Variants in NRP2 observed in about 807,000 individuals in gnomAD.
NRP2 encodes neuropilin 2.
NRP2 carries 52 observed loss-of-function variants against 110.4 expected under a neutral mutation model. The ratio of observed to expected loss-of-function variants is 0.47; its 90% confidence interval spans 0.38 to 0.59. The LOEUF is 0.59. Ranked by LOEUF, NRP2 falls within the 20% of genes least tolerant of loss-of-function variation. The pLI, the probability that NRP2 is intolerant of heterozygous loss-of-function variation, is 0.00. For missense variants in NRP2, 1,049 were observed against 1,203.0 expected, an observed-to-expected ratio of 0.87 and a Z score of 1.89; for synonymous variants, 508 against 468.9, an observed-to-expected ratio of 1.08 and a Z score of -1.08.
At chr2:205,774,254 T>C (rs2058065323) in intron 15 of NRP2, among the ~76,000 whole-genome samples, 1 of 152,194 alleles carries the variant, frequency 6.6e-6, no homozygotes, top group African/African-American at 2.4e-5. Context: ...GCACCTTGCT[T>C]TCTCTTCCTC....
At chr2:205,704,186 C>G (rs1484154439) in intron 2 of NRP2, among the ~76,000 whole-genome samples, 1 of 152,216 alleles carries the variant, frequency 6.6e-6, no homozygotes, top group Non-Finnish European at 1.5e-5. Flanking sequence ...TTTCCTGCTA[C>G]ACAAGACTTT....
Position 205,764,000 on chromosome 2 carries a change from C to A in NRP2, c.2307+64C>A. On this transcript the variant is annotated intron_variant, in intron 13 of 16. Transcript: ENST00000357785. This position sits in a 1 kb window ranked among gnomAD's most constrained non-coding sequence, Gnocchi z 4.0. ...CAATATTTCAAGGGCCGAGCCCATTCATCGTTAGGGAACGTGGTTAAGCGC... is the reference window on the plus strand; with the variant it reads ...CAATATTTCAAGGGCCGAGCCCATTAATCGTTAGGGAACGTGGTTAAGCGC... 6.3e-7 allele frequency: 1 copy of A among 1,595,940 alleles called. No homozygotes were observed. The highest frequency in any genetic ancestry group is 1.1e-5 in the South Asian group (1 of 89,866).
At chr2:205,702,406 A>T (rs1023907297) in intron 2 of NRP2, among the ~76,000 whole-genome samples, 3 of 152,216 alleles carry the variant, frequency 2.0e-5, no homozygotes, top group African/African-American at 7.2e-5. Flanking sequence ...CTGGGGAGTG[A>T]TCCCCAAGTG....
At chr2:205,755,396 C>A (rs1046893511) in intron 12 of NRP2, among the ~76,000 whole-genome samples, 1 of 152,092 alleles carries the variant, frequency 6.6e-6, no homozygotes, top group African/African-American at 2.4e-5. Flanking sequence ...AGAGGAATCC[C>A]GAAGTTTGGG....
intron 2 of NRP2, among the ~76,000 whole-genome samples, chr2:205,715,746 C>T (rs2056882318): frequency 6.6e-6 from 1 of 152,122 alleles, no homozygotes. Flanking sequence ...TCTATCTTCT[C>T]CCCAGCCTTG....
chr2:205,718,246 C>A (rs2056940604), intron 3 of NRP2, among the ~76,000 whole-genome samples: 1 of 152,218 alleles, frequency 6.6e-6, no homozygotes, highest in East Asian at 1.9e-4. Context: ...ATGCTACATT[C>A]TCCAGAAAGC....
chr2:205,788,710 TG>T (rs1354098252), intron 15 of NRP2, among the ~76,000 whole-genome samples: 1 of 152,214 alleles, frequency 6.6e-6, no homozygotes, highest in African/African-American at 2.4e-5. Context: ...ATCCCTGCCC[TG>T]GACTCCAGCA....
At chr2:205,728,187 T>C in intron 7 of NRP2, 141 bp downstream of exon 7, 1 of 1,011,188 alleles carries the variant, frequency 9.9e-7, no homozygotes, top group South Asian at 1.4e-5. Flanking sequence ...AGGGTCGTGC[T>C]GGCCTTGAAA....
chr2:205,698,095 C>T (rs2056474149), intron 2 of NRP2, among the ~76,000 whole-genome samples: 1 of 152,042 alleles, frequency 6.6e-6, no homozygotes, highest in African/African-American at 2.4e-5. Flanking sequence ...GTATAAACCC[C>T]ACCCACTTCC....
intron 3 of NRP2, among the ~76,000 whole-genome samples, chr2:205,719,477 A>C (rs879567397): frequency 2.4e-4 from 36 of 152,150 alleles, no homozygotes; most frequent in Non-Finnish European, 4.7e-4. Flanking sequence ...CAGAAACAAA[A>C]AAAAAAAAAA....
chr2:205,764,129 C>G (rs1031560065), intron 13 of NRP2, 193 bp downstream of exon 13: 28 of 677,966 alleles, frequency 4.1e-5, no homozygotes, highest in Non-Finnish European at 6.8e-5. Context: ...GTTCTTTGTT[C>G]CTCCTGTTGC....
chr2:205,781,981 T>A (rs1021482035), intron 15 of NRP2, among the ~76,000 whole-genome samples: 1 of 152,006 alleles, frequency 6.6e-6, no homozygotes, highest in Non-Finnish European at 1.5e-5. Flanking sequence ...CCAGAGTATG[T>A]TTGCCCTGAC....
chr2:205,736,784 C>T (rs1421480504), intron 7 of NRP2, among the ~76,000 whole-genome samples: 6 of 152,148 alleles, frequency 3.9e-5, no homozygotes, highest in East Asian at 3.8e-4. Context: ...AATTTCCTGG[C>T]GTCATTTCCC....
intron 1 of NRP2, among the ~76,000 whole-genome samples, chr2:205,695,535 A>G (rs2105882973): frequency 6.6e-6 from 1 of 152,198 alleles, no homozygotes; most frequent in Admixed American, 6.5e-5. Context: ...AGTGGAGAGT[A>G]TGTGGAAACC....
At chr2:205,759,121 G>C (rs1432025976) in intron 12 of NRP2, among the ~76,000 whole-genome samples, 2 of 152,194 alleles carry the variant, frequency 1.3e-5, no homozygotes, top group Non-Finnish European at 2.9e-5. Context: ...ATAATAGCTT[G>C]GAAGAAGGGT....
chr2:205,760,679 CTG>C (rs2057806633), intron 12 of NRP2: 3 of 152,338 alleles, frequency 2.0e-5, no homozygotes, highest in South Asian at 2.1e-4. Context: ...AAGGGGCAGA[CTG>C]TGAAACCTTT....
chr2:205,737,483 C>T (rs1198679245), intron 7 of NRP2, among the ~76,000 whole-genome samples: 3 of 152,196 alleles, frequency 2.0e-5, no homozygotes, highest in African/African-American at 4.8e-5. Flanking sequence ...AGCCGCAGAG[C>T]ACAGCTCCTG....
At chr2:205,722,325 T>C (rs1361688538) in intron 3 of NRP2, 153 bp from the exon 4 acceptor site, 11 of 696,826 alleles carry the variant, frequency 1.6e-5, no homozygotes, top group Non-Finnish European at 1.0e-5. Context: ...GAAACGTGCA[T>C]GTGAAGAGTA....
chr2:205,704,251 T>G (rs2056623737), intron 2 of NRP2, among the ~76,000 whole-genome samples: 1 of 152,174 alleles, frequency 6.6e-6, no homozygotes, highest in Non-Finnish European at 1.5e-5. Context: ...ATTGCCCAGT[T>G]GGAGGTGTGG....
Sources: gnomAD v4.1 joint callset for allele counts (sites outside exome capture counted in the v4.1 genomes callset) on GRCh38, gnomAD v4.1.1 for gene constraint, Gnocchi (gnomAD v3.1) non-coding constraint, MANE v1.5 for transcripts, NCBI Gene and HGNC (gene_info 2026-07-23, HGNC 2026-07-21) for gene names.